Variants in LRCH3 observed in about 807,000 individuals in gnomAD.
LRCH3 encodes the protein leucine rich repeats and calponin homology domain containing 3.
In LRCH3, 68 loss-of-function variants were observed where a neutral mutation model predicts 104.5. The observed-to-expected ratio is 0.65, with a 90% confidence interval of 0.54 to 0.80. LRCH3 has a LOEUF of 0.80. Among genes scored for constraint, LRCH3 ranks in the 30% least tolerant of loss-of-function variants. The probability of loss-of-function intolerance (pLI) is 0.00; values close to 1 mark genes in which losing one functional copy is unlikely to be tolerated. For synonymous variants in LRCH3, 344 were observed against 361.3 expected (o/e 0.95, Z 0.54); for missense variants, 951 against 953.9 (o/e 1.00, Z 0.04).
chr3:197,871,698 G>A (rs1029410605), intron 19 of LRCH3: 11 of 391,816 alleles, frequency 2.8e-5, no homozygotes, highest in African/African-American at 2.1e-4. Flanking sequence ...ATATAAAAAG[G>A]GGCCACTTAA....
intron 20 of LRCH3, among the ~76,000 whole-genome samples, chr3:197,880,198 G>A (rs1457839764): frequency 6.6e-6 from 1 of 152,026 alleles, no homozygotes; most frequent in Non-Finnish European, 1.5e-5. Flanking sequence ...ACCCGCCTCG[G>A]CCTCCCAAAG....
chr3:197,865,306 C>A, intron 15 of LRCH3, 117 bp from the exon 16 acceptor site: 1 of 692,932 alleles, frequency 1.4e-6, no homozygotes. Flanking sequence ...CACCTCTAGA[C>A]TTAATCGTGA....
At chr3:197,830,503 C>T (rs1406625272) in intron 6 of LRCH3, among the ~76,000 whole-genome samples, 1 of 152,188 alleles carries the variant, frequency 6.6e-6, no homozygotes, top group Admixed American at 6.5e-5. Context: ...AAAGCACAGT[C>T]CTAGTAAACT....
intron 19 of LRCH3, among the ~76,000 whole-genome samples, chr3:197,872,425 G>C (rs1712323212): frequency 6.6e-6 from 1 of 151,404 alleles, no homozygotes. Context: ...AAAAATTAAA[G>C]GTGGTACACT....
At chr3:197,841,167 G>A (rs940396411) in intron 10 of LRCH3, among the ~76,000 whole-genome samples, 1 of 152,216 alleles carries the variant, frequency 6.6e-6, no homozygotes, top group East Asian at 1.9e-4. Context: ...CAAAGTCAGG[G>A]TATCGGCTGG....
chr3:197,791,524 G>T lies in LRCH3; in HGVS notation c.246G>T (p.Thr82=). 2.5e-6 allele frequency: 4 copies of T among 1,592,462 alleles called. No individual in the cohort carries two copies. Among genetic ancestry groups the T allele is most frequent in the Non-Finnish European group, 3.4e-6 (4 of 1,172,140 alleles). The change falls in exon 1 of 21, where the codon ACG becomes ACT. Residue 82 remains threonine, a synonymous_variant. Transcript: ENST00000425562. ...FPRGAANHDL[T]DTTRADLSRN... is the part of the protein sequence containing the mutation. ...GGGGAGCGGCCAACCACGACCTGACGGACACCACCCGGGCGGGTGAGCGGG... is the reference window on the plus strand; with the variant it reads ...GGGGAGCGGCCAACCACGACCTGACTGACACCACCCGGGCGGGTGAGCGGG...
chr3:197,880,159 A>G (rs992416555), intron 20 of LRCH3, among the ~76,000 whole-genome samples: 1 of 151,362 alleles, frequency 6.6e-6, no homozygotes, highest in Non-Finnish European at 1.5e-5. Context: ...GTTAGCCGGG[A>G]TGGTCTCGAT....
In LRCH3 at chr3:197,791,499, G is replaced by T; in HGVS notation, c.221G>T (p.Arg74Leu). The change falls in exon 1 of 21, where the codon CGG (arginine) becomes CTG (leucine). Residue 74 changes from arginine to leucine, a missense_variant. By Grantham distance (102) the Arg-to-Leu change is moderately radical. Transcript: ENST00000425562. ...LSGRKLREFPRGAANHDLTDT... is the reference protein window; with the variant it reads ...LSGRKLREFPLGAANHDLTDT... The stretch of plus-strand genomic sequence containing the variant: ...GGCCGGAAACTGAGGGAGTTTCCCC[G>T]GGGAGCGGCCAACCACGACCTGACG... 1 of 1,599,928 alleles carries T rather than the reference G, an allele frequency of 6.3e-7. No individual in the cohort carries two copies. The highest frequency in any genetic ancestry group is 1.4e-5 in the African/African-American group (1 of 73,574).
intron 10 of LRCH3, among the ~76,000 whole-genome samples, chr3:197,843,849 A>G (rs982180840): frequency 8.5e-5 from 13 of 152,206 alleles, no homozygotes; most frequent in African/African-American, 3.1e-4. Flanking sequence ...CATTCAAGCA[A>G]TATTTCTTAA....
intron 20 of LRCH3, chr3:197,881,693 C>G: frequency 3.0e-6 from 3 of 985,342 alleles, no homozygotes; most frequent in Non-Finnish European, 3.6e-6. Flanking sequence ...CGGTTAGATT[C>G]TAGTTTCATA....
intron 13 of LRCH3, 80 bp downstream of exon 13, chr3:197,852,700 T>G (rs1359207951): frequency 2.1e-6 from 3 of 1,397,596 alleles, no homozygotes; most frequent in Non-Finnish European, 3.0e-6. Context: ...AATTGTCATG[T>G]TTTCAGTGCT....
At chr3:197,874,140 A>C (rs1168260655) in intron 19 of LRCH3, among the ~76,000 whole-genome samples, 1 of 152,110 alleles carries the variant, frequency 6.6e-6, no homozygotes, top group Non-Finnish European at 1.5e-5. Context: ...TCTTTAGTGC[A>C]GGGGTCCCCA....
intron 1 of LRCH3, among the ~76,000 whole-genome samples, chr3:197,811,280 TA>T: frequency 6.6e-6 from 1 of 152,364 alleles, no homozygotes; most frequent in Admixed American, 6.5e-5. Context: ...AATTACTTTT[TA>T]GTTTATTTCA....
At chr3:197,824,786 G>A (rs1734948309) in intron 4 of LRCH3, among the ~76,000 whole-genome samples, 1 of 151,638 alleles carries the variant, frequency 6.6e-6, no homozygotes, top group Admixed American at 6.6e-5. Flanking sequence ...TGGCCAGGCT[G>A]GTCTTGAACT....
At chr3:197,791,688 C>A in intron 1 of LRCH3, 148 bp downstream of exon 1, 1 of 939,738 alleles carries the variant, frequency 1.1e-6, no homozygotes, top group Non-Finnish European at 1.5e-6. Flanking sequence ...CCGACGGCGC[C>A]AGCCCTCCGG....
intron 14 of LRCH3, among the ~76,000 whole-genome samples, chr3:197,855,370 A>G (rs895648889): frequency 6.6e-6 from 1 of 152,250 alleles, no homozygotes; most frequent in African/African-American, 2.4e-5. Context: ...GAAGCGAATA[A>G]TAAGTTAAAA....
chr3:197,861,976 T>C (rs543356183), intron 15 of LRCH3, among the ~76,000 whole-genome samples: 2 of 152,256 alleles, frequency 1.3e-5, no homozygotes, highest in Non-Finnish European at 2.9e-5. Flanking sequence ...CAGTAGTATA[T>C]TATCTGTTGC....
chr3:197,809,027 G>T (rs1430090427), intron 1 of LRCH3, among the ~76,000 whole-genome samples: 2 of 151,972 alleles, frequency 1.3e-5, no homozygotes, highest in African/African-American at 4.8e-5. Context: ...GCCAGGCATG[G>T]TGGCTCATGC....
intron 16 of LRCH3, among the ~76,000 whole-genome samples, chr3:197,865,771 T>G (rs1282261517): frequency 1.3e-5 from 2 of 151,952 alleles, no homozygotes; most frequent in Admixed American, 6.5e-5. Flanking sequence ...CACTGGGTTT[T>G]TTTTTTTTTT....
Sources: gnomAD v4.1 joint callset for allele counts (sites outside exome capture counted in the v4.1 genomes callset) on GRCh38, gnomAD v4.1.1 for gene constraint, MANE v1.5 for transcripts, NCBI Gene and HGNC (gene_info 2026-07-23, HGNC 2026-07-21) for gene names.